The following CDKL5 variants were observed in gnomAD, a reference collection of about 807,000 sequenced individuals.
CDKL5 encodes cyclin dependent kinase like 5, also known as cyclin-dependent kinase-like 5.
Under a neutral mutation model 61.7 loss-of-function variants are expected in CDKL5, and 8 were observed. The observed-to-expected ratio is 0.13, with a 90% confidence interval of 0.08 to 0.23. CDKL5 has a LOEUF of 0.23. Ranked by LOEUF, CDKL5 falls within the 10% of genes least tolerant of loss-of-function variation. The pLI is 1.00. For synonymous variants in CDKL5, 275 were observed against 272.3 expected, an observed-to-expected ratio of 1.01 and a Z score of -0.10; for missense variants, 440 against 734.5, an observed-to-expected ratio of 0.60 and a Z score of 4.63.
At chrX:18,458,063 G>A (rs1232612421) in intron 1 of CDKL5, among the ~76,000 whole-genome samples, 3 of 106,966 alleles carry the variant, frequency 2.8e-5, no homozygotes, top group East Asian at 3.0e-4. Context: ...TGGGATTACA[G>A]GCATGCGCCA....
chrX:18,440,951 G>T (rs79746134), intron 1 of CDKL5, among the ~76,000 whole-genome samples: 4,873 of 111,157 alleles, frequency 0.044, 193 homozygotes, highest in East Asian at 0.18. Context: ...AGTAATGTCC[G>T]AAAGAACCAT....
chrX:18,457,994 C>A (rs1298476140), intron 1 of CDKL5, among the ~76,000 whole-genome samples: 8 of 94,602 alleles, frequency 8.5e-5, no homozygotes, highest in Non-Finnish European at 1.4e-4. Flanking sequence ...GATCTCGACT[C>A]ACTGGAACCT....
At chrX:18,653,526 G>T (rs942884617) in exon 22 of CDKL5, 1 of 1,210,227 alleles carries the variant, frequency 8.3e-7, no homozygotes, top group African/African-American at 1.7e-5. Context: ...ATGAGAATGC[G>T]GCACTGACGG....
chrX:18,530,335 CAAAAAAAAA>C (rs985283133), intron 3 of CDKL5, among the ~76,000 whole-genome samples: 1 of 47,593 alleles, frequency 2.1e-5, no homozygotes, highest in African/African-American at 8.0e-5. Flanking sequence ...GGCTCCGTCT[CAAAAAAAAA>C]AAAAAAAAGA....
chrX:18,653,295 T>A, intron 21 of CDKL5: 3 of 1,110,455 alleles, frequency 2.7e-6, no homozygotes, highest in Non-Finnish European at 2.4e-6. Context: ...GTATTTTTAA[T>A]AGCATTAAAG....
intron 16 of CDKL5, chrX:18,623,922 T>A: frequency 1.3e-6 from 1 of 741,892 alleles, no homozygotes; most frequent in Non-Finnish European, 1.6e-6. Flanking sequence ...AAGAAATCCC[T>A]CTTTCCTCTT....
At chrX:18,507,969 C>A (rs2147092844) in intron 2 of CDKL5, among the ~76,000 whole-genome samples, 1 of 110,854 alleles carries the variant, frequency 9.0e-6, no homozygotes, top group African/African-American at 3.3e-5. Context: ...TGCTCATGAC[C>A]AATGATATAC....
intron 10 of CDKL5, among the ~76,000 whole-genome samples, chrX:18,597,753 C>T (rs1448099326): frequency 1.8e-5 from 2 of 108,994 alleles, no homozygotes; most frequent in Non-Finnish European, 3.8e-5. Context: ...TGAGCCACCA[C>T]GCCCAGCTAA....
chrX:18,482,433 A>G (rs1359146752), intron 1 of CDKL5, among the ~76,000 whole-genome samples: 1 of 111,546 alleles, frequency 9.0e-6, no homozygotes, highest in African/African-American at 3.3e-5. Flanking sequence ...TTCTCTTTGT[A>G]TTTTATCTTT....
At chrX:18,464,622 A>G (rs1369491564) in intron 1 of CDKL5, among the ~76,000 whole-genome samples, 1 of 111,544 alleles carries the variant, frequency 9.0e-6, no homozygotes, top group African/African-American at 3.3e-5. Context: ...ACACTTCATA[A>G]GGTATAGGAG....
At chrX:18,609,444 T>C (rs1281945644) in intron 13 of CDKL5, 21 bp from the exon 14 acceptor site, 1 of 1,211,528 alleles carries the variant, frequency 8.3e-7, no homozygotes, top group Non-Finnish European at 1.1e-6. Flanking sequence ...TTAACTTTTA[T>C]AAATTTCTTT....
intron 11 of CDKL5, among the ~76,000 whole-genome samples, chrX:18,598,815 T>C (rs766443324): frequency 8.9e-6 from 1 of 112,417 alleles, no homozygotes; most frequent in South Asian, 3.7e-4. Flanking sequence ...CTTTAACTAG[T>C]ATATGATGGA....
downstream of CDKL5, among the ~76,000 whole-genome samples, chrX:18,643,220 A>G (rs1057480769): frequency 8.9e-6 from 1 of 111,815 alleles, no homozygotes. Context: ...TACCAAAGTC[A>G]TGGTGCTCTG....
At chrX:18,485,110 T>A (rs917521773) in intron 1 of CDKL5, among the ~76,000 whole-genome samples, 11 of 110,187 alleles carry the variant, frequency 1.0e-4, no homozygotes, top group Admixed American at 2.0e-4. Context: ...TTTTTTTTTT[T>A]AATATAATTT....
At chrX:18,452,084 C>T (rs1382889910) in intron 1 of CDKL5, among the ~76,000 whole-genome samples, 1 of 111,726 alleles carries the variant, frequency 9.0e-6, no homozygotes, top group Non-Finnish European at 1.9e-5. Context: ...GTAAATGGCT[C>T]AATTTGTTGC....
At chrX:18,438,529 G>A (rs1390047374) in intron 1 of CDKL5, among the ~76,000 whole-genome samples, 16 of 109,064 alleles carry the variant, frequency 1.5e-4, no homozygotes, top group African/African-American at 5.3e-4. Context: ...GGTGGCTCAT[G>A]CCTGTAATTC....
chrX:18,648,970 C>A (rs937116425), intron 20 of CDKL5, among the ~76,000 whole-genome samples: 2 of 106,622 alleles, frequency 1.9e-5, no homozygotes, highest in Non-Finnish European at 3.9e-5. Context: ...ATTGCTTGAG[C>A]CTAGGAGTCT....
intron 3 of CDKL5, chrX:18,535,315 C>G (rs779246977): frequency 8.8e-6 from 1 of 113,993 alleles, no homozygotes; most frequent in South Asian, 3.7e-4. Flanking sequence ...GCAGATAATA[C>G]TTGTGTCTCT....
At chrX:18,441,310 G>C (rs751539152) in intron 1 of CDKL5, among the ~76,000 whole-genome samples, 1 of 110,787 alleles carries the variant, frequency 9.0e-6, no homozygotes, top group Non-Finnish European at 1.9e-5. Context: ...CGCTACTCAG[G>C]AGGCTGAGGT....
Sources: allele counts gnomAD v4.1 joint callset (sites outside exome capture counted in the v4.1 genomes callset), GRCh38; gene constraint gnomAD v4.1.1; transcripts MANE v1.5; gene names NCBI Gene and HGNC (gene_info 2026-07-23, HGNC 2026-07-21).